The following CD86 variants were observed in gnomAD, a reference collection of about 807,000 sequenced individuals.
The protein encoded by CD86 is CD86 molecule, also known as T-lymphocyte activation antigen CD86.
A neutral mutation model predicts 32.1 loss-of-function variants in CD86; 11 were observed. The observed-to-expected ratio is 0.34, with a 90% confidence interval of 0.22 to 0.57. CD86 has a LOEUF of 0.57. CD86 is among the 20% of genes least tolerant of loss of function. The pLI is 0.86. For synonymous variants in CD86, 137 were observed against 135.3 expected (o/e 1.01, Z -0.09); for missense variants, 359 against 398.4 (o/e 0.90, Z 0.84).
intron 5 of CD86, among the ~76,000 whole-genome samples, chr3:122,109,654 G>C (rs58952062): frequency 0.021 from 3,220 of 152,320 alleles, 115 homozygotes; most frequent in African/African-American, 0.073. Flanking sequence ...CTGGTTTCCA[G>C]GGAAAACTGA....
chr3:122,071,671 T>A (rs2072489918), intron 1 of CD86, among the ~76,000 whole-genome samples: 1 of 152,190 alleles, frequency 6.6e-6, no homozygotes, highest in Non-Finnish European at 1.5e-5. Context: ...TTTACTTTTT[T>A]AAGAAACTGC....
intron 2 of CD86, among the ~76,000 whole-genome samples, chr3:122,100,368 C>A (rs774161324): frequency 3.3e-5 from 5 of 151,992 alleles, no homozygotes; most frequent in African/African-American, 4.8e-5. Context: ...TTGGGTGAAG[C>A]CAGATTTCAC....
chr3:122,111,294 C>T (rs2073168372), intron 5 of CD86, among the ~76,000 whole-genome samples: 1 of 152,218 alleles, frequency 6.6e-6, no homozygotes, highest in South Asian at 2.1e-4. Context: ...TCAGCAATAT[C>T]TGCCATTGCT....
chr3:122,103,187 C>G (rs1576781718), intron 2 of CD86, among the ~76,000 whole-genome samples: 1 of 117,512 alleles, frequency 8.5e-6, no homozygotes, highest in African/African-American at 3.3e-5. Context: ...TGGTTTTTCC[C>G]TGTCTTGCAA....
chr3:122,106,242 G>A lies in CD86; in HGVS notation c.445G>A (p.Glu149Lys), dbSNP rs768577906. The A allele has an allele frequency of 6.2e-7, 1 of 1,611,656 alleles. No homozygotes were observed. Among genetic ancestry groups the A allele is most frequent in the East Asian group, 2.2e-5 (1 of 44,822 alleles). The change falls in exon 4 of 7, where the codon GAA (glutamate) becomes AAA (lysine). Residue 149 changes from glutamate (E) to lysine (K), a missense_variant. Glu to Lys is a moderately conservative substitution (Grantham distance 56). Transcript: ENST00000330540. The part of the protein sequence containing the change: ...PEIVPISNIT[E>K]NVYINLTCSS... ...AATAGTACCAATTTCTAATATAACA[G>A]AAAATGTGTACATAAATTTGACCTG... is the stretch of plus-strand genomic sequence containing the variant.
chr3:122,092,000 A>G, intron 2 of CD86: 1 of 204,150 alleles, frequency 4.9e-6, no homozygotes, highest in East Asian at 1.2e-4. Flanking sequence ...TGTTCCACAC[A>G]TATTCTCTTC....
intron 4 of CD86, among the ~76,000 whole-genome samples, chr3:122,108,383 C>G (rs897859800): frequency 3.7e-4 from 57 of 152,300 alleles, no homozygotes; most frequent in African/African-American, 1.3e-3. Context: ...GTGGAATAGA[C>G]TGGGACAGAC....
intron 2 of CD86, among the ~76,000 whole-genome samples, chr3:122,101,507 A>T (rs1271915766): frequency 4.0e-4 from 32 of 79,748 alleles, no homozygotes; most frequent in South Asian, 1.3e-3. Flanking sequence ...AAAAAAAAAA[A>T]AAAAAAATAT....
intron 2 of CD86, among the ~76,000 whole-genome samples, chr3:122,101,952 G>C (rs1359037174): frequency 6.6e-6 from 1 of 151,988 alleles, no homozygotes; most frequent in Admixed American, 6.6e-5. Flanking sequence ...TATACCTCAA[G>C]TACTTCACAG....
chr3:122,081,501 G>A (rs560712257), intron 1 of CD86, among the ~76,000 whole-genome samples: 1 of 152,318 alleles, frequency 6.6e-6, no homozygotes, highest in African/African-American at 2.4e-5. Context: ...ATATTATCAG[G>A]AATCTGTCTA....
At chr3:122,108,430 C>T (rs1429703972) in intron 4 of CD86, among the ~76,000 whole-genome samples, 1 of 152,186 alleles carries the variant, frequency 6.6e-6, no homozygotes, top group Non-Finnish European at 1.5e-5. Context: ...ATGCCAACAA[C>T]TTCTTAACAT....
chr3:122,070,059 A>G (rs1326040734), intron 1 of CD86, among the ~76,000 whole-genome samples: 2 of 152,208 alleles, frequency 1.3e-5, no homozygotes, highest in African/African-American at 2.4e-5. Context: ...TCAGTCTTCA[A>G]TTCAAATAAG....
At chr3:122,079,429 G>A (rs1021728210) in intron 1 of CD86, among the ~76,000 whole-genome samples, 9 of 152,194 alleles carry the variant, frequency 5.9e-5, no homozygotes, top group South Asian at 4.1e-4. Flanking sequence ...TGAGGTGGGA[G>A]TTGAGGTTAG....
rs192209203 is a variant in CD86, at chr3:122,090,813, C to T, written c.15-788C>T. 6.6e-5 allele frequency among the ~76,000 whole-genome samples: 10 copies of T among 152,270 alleles called. No homozygotes were observed. The East Asian group carries it at 1.9e-3, about 29-fold the overall frequency. The stretch of plus-strand genomic sequence containing the variant: ...TTATAAAGCAAAGCATATCCTTTTT[C>T]TTGGCTTCATCATGTAGATTAAGTG... On this transcript the variant is annotated intron_variant, in intron 1 of 6. Transcript: ENST00000330540.
At chr3:122,088,402 A>G (rs887473344) in intron 1 of CD86, among the ~76,000 whole-genome samples, 19 of 152,150 alleles carry the variant, frequency 1.2e-4, no homozygotes, top group African/African-American at 4.1e-4. Flanking sequence ...TCTTTTATAC[A>G]TAGAAAATTA....
intron 1 of CD86, among the ~76,000 whole-genome samples, chr3:122,065,569 A>G (rs1415904470): frequency 6.6e-6 from 1 of 152,148 alleles, no homozygotes; most frequent in African/African-American, 2.4e-5. Context: ...CCAGCTTCCA[A>G]TGGTGTATAA....
intron 1 of CD86, among the ~76,000 whole-genome samples, chr3:122,067,053 A>G (rs937742267): frequency 2.0e-5 from 3 of 152,132 alleles, no homozygotes; most frequent in African/African-American, 4.8e-5. Context: ...AAACGTTTTC[A>G]AAGGTTCTAG....
intron 1 of CD86, among the ~76,000 whole-genome samples, chr3:122,076,040 G>T (rs956237046): frequency 1.3e-5 from 2 of 152,016 alleles, no homozygotes; most frequent in African/African-American, 4.8e-5. Context: ...AGTGGAGCAG[G>T]GTTTGAACAC....
At chr3:122,063,570 A>C (rs780425540) in intron 1 of CD86, among the ~76,000 whole-genome samples, 6 of 151,936 alleles carry the variant, frequency 3.9e-5, no homozygotes, top group Admixed American at 6.6e-5. Context: ...TGGTTCCTAA[A>C]ACTAAGTAAG....
Sources: allele counts gnomAD v4.1 joint callset (sites outside exome capture counted in the v4.1 genomes callset), GRCh38; gene constraint gnomAD v4.1.1; transcripts MANE v1.5; gene names NCBI Gene and HGNC (gene_info 2026-07-23, HGNC 2026-07-21).